Variants in CELF2 observed in about 807,000 individuals in gnomAD.
CELF2 encodes CUG triplet repeat RNA-binding protein 2.
Under a neutral mutation model 62.6 loss-of-function variants are expected in CELF2, and 8 were observed. The observed-to-expected ratio is 0.13, with a 90% CI of 0.07 to 0.23. CELF2 has a LOEUF of 0.23. CELF2 is among the 10% of genes least tolerant of loss of function. The pLI is 1.00. For missense variants in CELF2, 333 were observed against 671.0 expected (o/e 0.50, Z 5.56); for synonymous variants, 258 against 250.0 (o/e 1.03, Z -0.30).
rs73577466 is a variant in CELF2 at position 11,187,451 on chromosome 10, G to A, written c.271+21769G>A. Among the ~76,000 whole-genome samples, 1,247 of 151,998 alleles carry A rather than the reference G, an allele frequency of 8.2e-3. 19 individuals are homozygous for A. Among genetic ancestry groups the A allele is most frequent in the African/African-American group, 0.029 (1,196 of 41,430 alleles). On this transcript the variant is annotated intron_variant, in intron 2 of 12. Coordinates refer to ENST00000633077, the MANE Select transcript of CELF2 (RefSeq NM_001326342.2). ...CATTTATTGTACACAGCAGGTAGTCGGATCATAATTTTTTTGAATCCACTC... is the reference window on the plus strand; with the variant it reads ...CATTTATTGTACACAGCAGGTAGTCAGATCATAATTTTTTTGAATCCACTC...
intron 1 of CELF2, among the ~76,000 whole-genome samples, chr10:10,915,754 G>A (rs2064271258): frequency 6.6e-6 from 1 of 152,188 alleles, no homozygotes; most frequent in Admixed American, 6.5e-5. Context: ...GTTTTCAGTA[G>A]TAGATAAATG....
chr10:10,529,352 A>T, the CELF2 span, among the ~76,000 whole-genome samples: 3 of 152,174 alleles, frequency 2.0e-5, no homozygotes. Flanking sequence ...AAGCTGGAAG[A>T]CATAAAGAAC....
the CELF2 span, among the ~76,000 whole-genome samples, chr10:10,642,841 G>A: frequency 7.2e-5 from 11 of 152,218 alleles, no homozygotes; most frequent in East Asian, 1.9e-4. Flanking sequence ...GGGTTGCACC[G>A]GCAGCCAGTG....
At chr10:10,499,448 C>T in the CELF2 span, among the ~76,000 whole-genome samples, 5 of 152,066 alleles carry the variant, frequency 3.3e-5, no homozygotes, top group East Asian at 1.9e-4. Flanking sequence ...ACTAGTAATT[C>T]ACATGTGATT....
At chr10:10,684,624 G>T in the CELF2 span, among the ~76,000 whole-genome samples, 1 of 152,062 alleles carries the variant, frequency 6.6e-6, no homozygotes, top group Non-Finnish European at 1.5e-5. Context: ...TGCTCCTGTG[G>T]TCCCAGCTAC....
At chr10:10,974,881 T>C (rs2051150689) in intron 2 of CELF2, among the ~76,000 whole-genome samples, 1 of 152,196 alleles carries the variant, frequency 6.6e-6, no homozygotes, top group African/African-American at 2.4e-5. Flanking sequence ...AGGCAAACCA[T>C]AGAGTGATTT....
At chr10:10,671,568 C>T in the CELF2 span, among the ~76,000 whole-genome samples, 1 of 152,152 alleles carries the variant, frequency 6.6e-6, no homozygotes, top group Admixed American at 6.5e-5. Flanking sequence ...AATGAGAGTT[C>T]CTGTTACTCA....
At chr10:10,678,453 T>C in the CELF2 span, among the ~76,000 whole-genome samples, 10 of 152,118 alleles carry the variant, frequency 6.6e-5, no homozygotes, top group African/African-American at 2.4e-4. Context: ...ATGGTGGTCT[T>C]TCCATGGAAC....
In CELF2 at chr10:10,967,660, C is replaced by T. The variant is rs117517814; in HGVS notation, c.89+47661C>T. On this transcript the variant is annotated intron_variant, in intron 2 of 13. Coordinates refer to the CELF2 transcript ENST00000636488. ...TACAGCAAGGCTGCTGGAGGGGCCT[C>T]GGGCTGAACGGGCCTGCCTTAGTGT... is the stretch of plus-strand genomic sequence containing the variant. Among the ~76,000 whole-genome samples the T allele has an allele frequency of 4.1e-3, 630 of 152,270 alleles. 12 individuals are homozygous for T. In the East Asian group the frequency reaches 0.052, roughly 13 times the overall value.
At position 11,334,203 on chromosome 10, in the gene CELF2, T is replaced by C. The variant is rs1001003321; in HGVS notation, c.*5150T>C. On this transcript the variant is annotated 3_prime_UTR_variant, in exon 13 of 13. Coordinates refer to ENST00000633077, the MANE Select transcript of CELF2 (RefSeq NM_001326342.2). ...TATTAGTTAAAACTTTAGGGTTTGCTTTTTTGCTGTTTAGATCAAAGTTTT... is the reference window on the plus strand; with the variant it reads ...TATTAGTTAAAACTTTAGGGTTTGCCTTTTTGCTGTTTAGATCAAAGTTTT... The C allele has an allele frequency of 1.3e-5, 2 of 152,676 alleles. No individual in the cohort carries two copies. The highest frequency in any genetic ancestry group is 4.8e-5 in the African/African-American group (2 of 41,470). The allele number at this position is 152,676 out of a possible 1,614,324, so 9.5% of individuals were successfully genotyped here.
At chr10:10,708,063 G>C in the CELF2 span, among the ~76,000 whole-genome samples, 1 of 152,164 alleles carries the variant, frequency 6.6e-6, no homozygotes, top group African/African-American at 2.4e-5. Context: ...ATAAACAAAG[G>C]CTTTAGGAGC....
the CELF2 span, among the ~76,000 whole-genome samples, chr10:10,723,483 C>T: frequency 6.6e-6 from 1 of 152,190 alleles, no homozygotes; most frequent in South Asian, 2.1e-4. Context: ...TTAATTTGAA[C>T]AGTGTTTGAG....
At chr10:10,716,547 G>A in the CELF2 span, among the ~76,000 whole-genome samples, 212 of 152,112 alleles carry the variant, frequency 1.4e-3, 1 homozygote, top group African/African-American at 4.9e-3. Context: ...TCTCAAAAAG[G>A]GGAAAAAAAA....
intron 1 of CELF2, among the ~76,000 whole-genome samples, chr10:11,072,708 G>C (rs541318086): frequency 8.9e-4 from 135 of 152,310 alleles, no homozygotes; most frequent in African/African-American, 2.6e-3. Context: ...TCCCTGTGGA[G>C]TCTGTAGATG....
chr10:10,946,206 A>T (rs1472106537), intron 2 of CELF2: 1 of 152,572 alleles, frequency 6.6e-6, no homozygotes, highest in Non-Finnish European at 1.5e-5. Context: ...TAATGGGAAG[A>T]TAATATAGGC....
chr10:10,976,972 G>A (rs888375260), intron 2 of CELF2, among the ~76,000 whole-genome samples: 1 of 151,910 alleles, frequency 6.6e-6, no homozygotes, highest in African/African-American at 2.4e-5. Context: ...ACTTATTTTT[G>A]AGTACAGATC....
intron 1 of CELF2, chr10:10,846,002 G>A: frequency 2.3e-6 from 1 of 426,902 alleles, no homozygotes; most frequent in Non-Finnish European, 3.1e-6. Context: ...GTGCGTCTGT[G>A]TGTCTCAGCT....
Position 11,224,416 on chromosome 10 carries a change from A to G in CELF2, c.354+6909A>G, listed in dbSNP as rs1320116729. ...ATGAAGCCATAGTTAGATTTCAGAG[A>G]TAATCATTTCTCTACGACAGCCCAA... On this transcript the variant is annotated intron_variant, in intron 3 of 12. Coordinates refer to ENST00000633077, the MANE Select transcript of CELF2 (RefSeq NM_001326342.2). The surrounding 1 kb of genome is among the most constrained non-coding windows in gnomAD (Gnocchi z 4.5). Among the ~76,000 whole-genome samples, 1 of 152,178 alleles carries G rather than the reference A, an allele frequency of 6.6e-6. No individual in the cohort carries two copies. Among genetic ancestry groups the G allele is most frequent in the African/African-American group, 2.4e-5 (1 of 41,436 alleles).
chr10:10,670,259 C>T, the CELF2 span, among the ~76,000 whole-genome samples: 1 of 152,136 alleles, frequency 6.6e-6, no homozygotes, highest in Admixed American at 6.5e-5. Context: ...TTAAACTCAA[C>T]TGATTTTCAG....
Sources: gnomAD v4.1 joint callset for allele counts (sites outside exome capture counted in the v4.1 genomes callset) on GRCh38, gnomAD v4.1.1 for gene constraint, Gnocchi (gnomAD v3.1) non-coding constraint, MANE v1.5 for transcripts, NCBI Gene and HGNC (gene_info 2026-07-23, HGNC 2026-07-21) for gene names.